Variants in RBFOX2 observed in about 807,000 individuals in gnomAD.
The protein encoded by RBFOX2 is RNA binding protein fox-1 homolog 2.
A neutral mutation model predicts 49.1 loss-of-function variants in RBFOX2; 10 were observed. The observed-to-expected ratio is 0.20, with a 90% CI of 0.13 to 0.35. The LOEUF is 0.35. RBFOX2 is among the 10% of genes least tolerant of loss of function. The probability of loss-of-function intolerance (pLI) is 1.00; values close to 1 mark genes in which losing one functional copy is unlikely to be tolerated. For synonymous variants in RBFOX2, 183 were observed against 187.4 expected, an observed-to-expected ratio of 0.98 and a Z score of 0.19; for missense variants, 323 against 486.9, an observed-to-expected ratio of 0.66 and a Z score of 3.17.
At chr22:35,944,703 T>C (rs1263314291) in intron 1 of RBFOX2, among the ~76,000 whole-genome samples, 1 of 152,130 alleles carries the variant, frequency 6.6e-6, no homozygotes, top group African/African-American at 2.4e-5. Flanking sequence ...TCTTCCTGGC[T>C]TCTATCATTG....
intron 1 of RBFOX2, among the ~76,000 whole-genome samples, chr22:36,002,917 C>T (rs1002167970): frequency 2.0e-5 from 3 of 152,256 alleles, no homozygotes; most frequent in African/African-American, 4.8e-5. Flanking sequence ...TGAGCCACCA[C>T]GCCCAGCCCG....
chr22:35,835,312 C>T (rs551854028), intron 1 of RBFOX2, among the ~76,000 whole-genome samples: 5 of 152,006 alleles, frequency 3.3e-5, no homozygotes, highest in Admixed American at 2.6e-4. Context: ...TAAGGGGGGG[C>T]TGTATCACCT....
chr22:36,022,259 A>G (rs998327584), intron 1 of RBFOX2, among the ~76,000 whole-genome samples: 1 of 152,208 alleles, frequency 6.6e-6, no homozygotes, highest in East Asian at 1.9e-4. Context: ...GCATAACTCA[A>G]TTTCTTTCTC....
At chr22:35,814,732 A>AAAAAAG (rs1952655703) in intron 1 of RBFOX2, among the ~76,000 whole-genome samples, 1 of 147,218 alleles carries the variant, frequency 6.8e-6, no homozygotes, top group Non-Finnish European at 1.5e-5. Context: ...AAAAAAAAAA[A>AAAAAAG]AAAAGAAAAG....
intron 1 of RBFOX2, among the ~76,000 whole-genome samples, chr22:35,911,010 A>T (rs1339669442): frequency 6.6e-6 from 1 of 152,210 alleles, no homozygotes; most frequent in African/African-American, 2.4e-5. Flanking sequence ...CCCCACATGG[A>T]AAGCTATAAC....
chr22:35,930,124 C>A (rs58754985), intron 1 of RBFOX2, among the ~76,000 whole-genome samples: 11,422 of 149,832 alleles, frequency 0.076, 443 homozygotes, highest in South Asian at 0.085. Context: ...TGGGTTCAAG[C>A]GATTCTCGTG....
intron 1 of RBFOX2, among the ~76,000 whole-genome samples, chr22:35,828,871 G>A (rs1021158239): frequency 5.9e-5 from 9 of 152,072 alleles, no homozygotes; most frequent in African/African-American, 1.4e-4. Context: ...CTAACACAGC[G>A]AAACCCCATC....
chr22:35,879,841 T>G (rs916903046), intron 1 of RBFOX2, among the ~76,000 whole-genome samples: 1 of 152,114 alleles, frequency 6.6e-6, no homozygotes, highest in African/African-American at 2.4e-5. Context: ...GAAGATGGAA[T>G]ACCGAACCAG....
chr22:35,928,253 G>T (rs2051914325), intron 1 of RBFOX2, among the ~76,000 whole-genome samples: 2 of 152,216 alleles, frequency 1.3e-5, no homozygotes, highest in East Asian at 3.9e-4. Flanking sequence ...TGTCTGTTGG[G>T]GGGGCAGGGG....
chr22:36,024,482 C>T (rs2059355814), intron 1 of RBFOX2, among the ~76,000 whole-genome samples: 1 of 152,158 alleles, frequency 6.6e-6, no homozygotes, highest in Non-Finnish European at 1.5e-5. Context: ...TGGCTCATGC[C>T]TGTAATCTCA....
Position 35,970,268 on chromosome 22 carries a change from G to A in RBFOX2, c.187-31371C>T, listed in dbSNP as rs542556917. Among the ~76,000 whole-genome samples, 28 of 152,102 alleles carry A rather than the reference G, an allele frequency of 1.8e-4. No homozygotes were observed. The South Asian group carries it at 3.5e-3, about 19-fold the overall frequency. ...TATCCCAAAAAAATCAAATATTTCA[G>A]CATCCAAACTCTATCTCCCAGACAT... On this transcript the variant is annotated intron_variant, in intron 1 of 13. Transcript: ENST00000438146.
chr22:35,823,185 G>C (rs2148494171), intron 1 of RBFOX2, among the ~76,000 whole-genome samples: 1 of 152,306 alleles, frequency 6.6e-6, no homozygotes, highest in Non-Finnish European at 1.5e-5. Flanking sequence ...ACTGCCACTG[G>C]GAAGGGGTTG....
intron 1 of RBFOX2, among the ~76,000 whole-genome samples, chr22:35,817,481 T>A (rs1569245833): frequency 2.6e-5 from 1 of 38,100 alleles, no homozygotes; most frequent in South Asian, 6.0e-4. Context: ...TGTCTCAAAA[T>A]AAATAAATAA....
At chr22:35,991,931 C>T (rs1195614496) in intron 1 of RBFOX2, among the ~76,000 whole-genome samples, 2 of 152,186 alleles carry the variant, frequency 1.3e-5, no homozygotes, top group African/African-American at 4.8e-5. Context: ...TATGTAACCA[C>T]TCCTGTGGCT....
chr22:35,977,722 C>CTATATATATATATATATATA (rs375088964), intron 1 of RBFOX2, among the ~76,000 whole-genome samples: 2 of 80,876 alleles, frequency 2.5e-5, no homozygotes, highest in East Asian at 4.4e-4. Context: ...CCTGAATGAA[C>CTATATATATATATATATATA]TATATATATA....
rs143377140 is a variant in RBFOX2, at chr22:35,855,082, G to T, written c.-33-45078C>A. Among the ~76,000 whole-genome samples, 580 of 152,026 alleles carry T rather than the reference G, an allele frequency of 3.8e-3. 1 individual carries two copies. Among genetic ancestry groups the T allele is most frequent in the Non-Finnish European group, 6.0e-3 (407 of 67,944 alleles). The stretch of plus-strand genomic sequence containing the variant: ...ATTTATCAAAATGATTTTAAAAATA[G>T]AAACAAAAAATGAAAATATTTTCAA... On this transcript the variant is annotated intron_variant, in intron 1 of 13. Transcript: ENST00000359369.
In RBFOX2 at chr22:35,765,404, G is replaced by T; in HGVS notation, c.607+19C>A. 1 of 1,478,274 alleles carries T rather than the reference G, an allele frequency of 6.8e-7. No individual in the cohort carries two copies. Among genetic ancestry groups the T allele is most frequent in the South Asian group, 1.2e-5 (1 of 82,424 alleles). The allele number at this position is 1,478,274 out of a possible 1,614,324, so 91.6% of individuals were successfully genotyped here. ...TTTACACAAGAATAAACACTCTTTC[G>T]AAGATTATAATTTCTTACCATTTGC... On this transcript the variant is annotated intron_variant, in intron 6 of 11. Coordinates refer to ENST00000405409, the Ensembl canonical transcript of RBFOX2.
intron 1 of RBFOX2, among the ~76,000 whole-genome samples, chr22:35,899,575 A>G: frequency 6.6e-6 from 1 of 151,862 alleles, no homozygotes; most frequent in East Asian, 1.9e-4. Context: ...ACAAAAAAAA[A>G]AAAAGAAAGA....
At position 35,868,589 on chromosome 22, in the gene RBFOX2, TA is replaced by T. The variant is rs969232134; in HGVS notation, c.-33-58586del. ...ACATAGTCAGGCCCTGTCTCTATTT[TA>T]AAAAAAAAAAAATTAAAAACTAGCC... is the stretch of plus-strand genomic sequence containing the variant. On this transcript the variant is annotated intron_variant, in intron 1 of 13. Transcript: ENST00000359369. 1.9e-3 allele frequency among the ~76,000 whole-genome samples: 275 copies of T among 146,712 alleles called. 1 individual carries two copies. Among genetic ancestry groups the T allele is most frequent in the Admixed American group, 2.5e-3 (37 of 14,692 alleles).
Sources: gnomAD v4.1 joint callset for allele counts (sites outside exome capture counted in the v4.1 genomes callset) on GRCh38, gnomAD v4.1.1 for gene constraint, MANE v1.5 for transcripts, NCBI Gene and HGNC (gene_info 2026-07-23, HGNC 2026-07-21) for gene names.